Variants in RHBDD1 observed in about 807,000 individuals in gnomAD.
RHBDD1 encodes the protein rhomboid-related protein 4.
In RHBDD1, 38 loss-of-function variants were observed where a neutral mutation model predicts 36.3. That is an observed-to-expected ratio of 1.05 (90% CI 0.81 to 1.37). RHBDD1 has a LOEUF of 1.37. RHBDD1 is among the 40% of genes most tolerant of loss of function. RHBDD1 has a pLI of 0.00. For missense variants in RHBDD1, 393 were observed against 377.6 expected (o/e 1.04, Z -0.34); for synonymous variants, 151 against 136.5 (o/e 1.11, Z -0.74).
chr2:226,918,413 A>G (rs1033079374), intron 8 of RHBDD1, among the ~76,000 whole-genome samples: 8 of 151,912 alleles, frequency 5.3e-5, no homozygotes, highest in Non-Finnish European at 1.0e-4. Context: ...TAAATACTAG[A>G]TCTTACTCAT....
Position 226,935,886 on chromosome 2 carries a change from A to T in RHBDD1, c.856+21535A>T, listed in dbSNP as rs1950299078. 2.0e-5 allele frequency among the ~76,000 whole-genome samples: 3 copies of T among 152,140 alleles called. 1 individual carries two copies. In the South Asian group the frequency reaches 6.2e-4, roughly 31 times the overall value. On this transcript the variant is annotated intron_variant, in intron 8 of 8. Coordinates refer to ENST00000392062, the MANE Select transcript of RHBDD1 (RefSeq NM_001167608.3). The stretch of plus-strand genomic sequence containing the variant: ...TGGTAGTACCTTATTCAGTTGCGTG[A>T]TTATACAAGCCTTTATTGGCCCAGT...
chr2:226,995,336 C>G, intron 8 of RHBDD1, 95 bp from the exon 9 acceptor site: 1 of 743,316 alleles, frequency 1.3e-6, no homozygotes, highest in Non-Finnish European at 2.4e-6. Context: ...ATGAAGATGA[C>G]ACCCAAGCTA....
intron 8 of RHBDD1, among the ~76,000 whole-genome samples, chr2:226,973,978 G>C (rs1451365485): frequency 3.3e-5 from 5 of 152,150 alleles, no homozygotes; most frequent in Admixed American, 6.5e-5. Flanking sequence ...TGAGCTTGAG[G>C]GTTTTGTGGG....
chr2:226,908,582 T>TAC (rs10559846), intron 6 of RHBDD1: 33,625 of 345,686 alleles, frequency 0.097, 1,006 homozygotes, highest in Non-Finnish European at 0.099. Flanking sequence ...CATTTTCCAC[T>TAC]ACACACACAC....
chr2:226,975,584 G>T (rs970057610), intron 8 of RHBDD1, among the ~76,000 whole-genome samples: 2 of 152,076 alleles, frequency 1.3e-5, no homozygotes, highest in African/African-American at 4.8e-5. Context: ...TGGGCAGTTT[G>T]GTACAGAAGA....
chr2:226,913,246 C>A (rs1410798042), intron 7 of RHBDD1, among the ~76,000 whole-genome samples: 2 of 152,076 alleles, frequency 1.3e-5, no homozygotes, highest in South Asian at 4.2e-4. Context: ...AGACTCATAG[C>A]AAAGGTTAGG....
intron 8 of RHBDD1, among the ~76,000 whole-genome samples, chr2:226,949,418 T>C (rs1176512250): frequency 6.6e-6 from 1 of 152,156 alleles, no homozygotes; most frequent in Non-Finnish European, 1.5e-5. Flanking sequence ...AGCAGCATTG[T>C]AAGTGACCTG....
rs1398446470 is a variant in RHBDD1 at position 226,906,828 on chromosome 2, T to C, written c.602T>C (p.Val201Ala). 6.2e-7 allele frequency: 1 copy of C among 1,614,116 alleles called. No individual in the cohort carries two copies. The change falls in exon 6 of 9, where the codon GTT becomes GCT. Residue 201 changes from valine (V) to alanine (A), a missense_variant. By Grantham distance (64) the Val-to-Ala change is moderately conservative (BLOSUM62 0). Coordinates refer to ENST00000392062, the MANE Select transcript of RHBDD1 (RefSeq NM_001167608.3). ...SFAGHLAGIL[V>A]GLMYTQGPLK... ...GCTGGGCATCTGGCTGGGATTCTTG[T>C]TGGACTAATGTACACTCAAGGGCCT... is the stretch of plus-strand genomic sequence containing the variant.
the RHBDD1 span, among the ~76,000 whole-genome samples, chr2:226,819,406 G>C: frequency 6.6e-6 from 1 of 152,168 alleles, no homozygotes; most frequent in Admixed American, 6.5e-5. Flanking sequence ...TTAAGAGGCT[G>C]TTGTTTTACA....
the RHBDD1 span, among the ~76,000 whole-genome samples, chr2:226,801,585 C>T: frequency 2.0e-5 from 3 of 152,072 alleles, no homozygotes; most frequent in African/African-American, 2.4e-5. Context: ...AATTTGAGTA[C>T]ACATGTTGAA....
intron 8 of RHBDD1, among the ~76,000 whole-genome samples, chr2:226,990,945 A>G (rs180914807): frequency 2.0e-5 from 3 of 152,310 alleles, no homozygotes; most frequent in Admixed American, 6.5e-5. Context: ...CCAATGTATG[A>G]TTTAAGCAGA....
At chr2:226,828,200 G>T in the RHBDD1 span, among the ~76,000 whole-genome samples, 1 of 152,132 alleles carries the variant, frequency 6.6e-6, no homozygotes, top group Non-Finnish European at 1.5e-5. Context: ...GACATTTCAT[G>T]TAAATGGAAT....
chr2:226,889,532 C>T lies in RHBDD1; in HGVS notation c.567-17261C>T, dbSNP rs542799514. Among the ~76,000 whole-genome samples, 5 of 152,244 alleles carry T rather than the reference C, an allele frequency of 3.3e-5. No homozygotes were observed. In the East Asian group the frequency reaches 5.8e-4, roughly 18 times the overall value. On this transcript the variant is annotated intron_variant, in intron 5 of 8. Coordinates refer to ENST00000392062, the MANE Select transcript of RHBDD1 (RefSeq NM_001167608.3). ...CAAAACCTCGTAGCAGACTTGAAGG[C>T]ATGTAGTGTTTTTGGAAAAGTTTTG...
At chr2:226,860,503 G>A (rs906271772) in intron 3 of RHBDD1, among the ~76,000 whole-genome samples, 1 of 152,160 alleles carries the variant, frequency 6.6e-6, no homozygotes, top group Non-Finnish European at 1.5e-5. Flanking sequence ...CACTTATTGT[G>A]ATCTGTCTTC....
chr2:226,974,114 A>T (rs1042956860), intron 8 of RHBDD1, among the ~76,000 whole-genome samples: 1 of 152,154 alleles, frequency 6.6e-6, no homozygotes, highest in South Asian at 2.1e-4. Flanking sequence ...TCGGTGTAAC[A>T]CTTCAAAGAA....
chr2:226,826,975 T>C, the RHBDD1 span, among the ~76,000 whole-genome samples: 1 of 152,248 alleles, frequency 6.6e-6, no homozygotes, highest in East Asian at 1.9e-4. Flanking sequence ...TTTATTATTA[T>C]TTCTTAAGAC....
At chr2:226,913,976 A>G (rs532788128) in intron 7 of RHBDD1, among the ~76,000 whole-genome samples, 1 of 152,340 alleles carries the variant, frequency 6.6e-6, no homozygotes, top group Non-Finnish European at 1.5e-5. Context: ...CTCTGAATTA[A>G]TATCTCCTTT....
the RHBDD1 span, among the ~76,000 whole-genome samples, chr2:226,826,810 A>G: frequency 1.3e-5 from 2 of 151,182 alleles, no homozygotes; most frequent in Non-Finnish European, 1.5e-5. Context: ...ATGAGCCACC[A>G]CACCCAGCCT....
intron 3 of RHBDD1, 88 bp downstream of exon 3, chr2:226,839,715 T>C (rs1000297255): frequency 6.7e-6 from 1 of 149,094 alleles, no homozygotes; most frequent in Non-Finnish European, 1.5e-5. Context: ...TGCAGAGGAG[T>C]GAGTGATTAT....
Sources: gnomAD v4.1 joint callset for allele counts (sites outside exome capture counted in the v4.1 genomes callset) on GRCh38, gnomAD v4.1.1 for gene constraint, MANE v1.5 for transcripts, NCBI Gene and HGNC (gene_info 2026-07-23, HGNC 2026-07-21) for gene names.